CHL1: variants seen among roughly 807,000 people sequenced by gnomAD.
CHL1 encodes the protein cell adhesion molecule L1 like.
Under a neutral mutation model 141.9 loss-of-function variants are expected in CHL1, and 96 were observed. That is an observed-to-expected ratio of 0.68 (90% confidence interval 0.57 to 0.80). CHL1 has a LOEUF of 0.80. Among genes scored for constraint, CHL1 ranks in the 30% least tolerant of loss-of-function variants. The pLI is 0.00. For missense variants in CHL1, 1,820 were observed against 1,457.2 expected (o/e 1.25, Z -4.05); for synonymous variants, 613 against 502.2 (o/e 1.22, Z -2.95).
chr3:291,945 C>T (rs986154492), intron 2 of CHL1, among the ~76,000 whole-genome samples: 1 of 152,156 alleles, frequency 6.6e-6, no homozygotes, highest in Non-Finnish European at 1.5e-5. Context: ...TTGGAAATAT[C>T]CCTTCTAAGG....
intron 19 of CHL1, among the ~76,000 whole-genome samples, chr3:385,434 T>C (rs1707568494): frequency 6.6e-6 from 1 of 152,184 alleles, no homozygotes; most frequent in Non-Finnish European, 1.5e-5. Context: ...ATCTTCAGTC[T>C]TTTTGACTGC....
At chr3:236,119 G>T (rs1559313617) in intron 1 of CHL1, among the ~76,000 whole-genome samples, 1 of 152,174 alleles carries the variant, frequency 6.6e-6, no homozygotes, top group South Asian at 2.1e-4. Flanking sequence ...GGCAGCATTT[G>T]GTCTCAGGCC....
In CHL1 at chr3:356,044, G is replaced by A. The variant is rs548960913; in HGVS notation, c.1165+1273G>A. ...GGGACTGCCACAAAAACAGCCCCCC[G>A]TAAGGTATGGTTGGTTGGTATTGTT... On this transcript the variant is annotated intron_variant, in intron 11 of 27. Coordinates refer to ENST00000256509, the MANE Select transcript of CHL1 (RefSeq NM_006614.4). Among the ~76,000 whole-genome samples, 129 of 152,254 alleles carry A rather than the reference G, an allele frequency of 8.5e-4. No individual in the cohort carries two copies. The Middle Eastern group carries it at 0.01, about 12-fold the overall frequency.
At chr3:396,669 G>T (rs922124720) in intron 24 of CHL1, among the ~76,000 whole-genome samples, 3 of 152,022 alleles carry the variant, frequency 2.0e-5, no homozygotes, top group Non-Finnish European at 4.4e-5. Flanking sequence ...GTATGTGTCA[G>T]GAATTTAAAA....
chr3:382,857 C>A, intron 18 of CHL1, 186 bp downstream of exon 18: 15 of 553,420 alleles, frequency 2.7e-5, no homozygotes, highest in South Asian at 1.4e-4. Flanking sequence ...CATACGAGTT[C>A]GATAAAAGCA....
At chr3:337,653 G>T (rs187444293) in intron 5 of CHL1, among the ~76,000 whole-genome samples, 2 of 151,988 alleles carry the variant, frequency 1.3e-5, no homozygotes, top group Non-Finnish European at 2.9e-5. Flanking sequence ...TGCTGATAAT[G>T]ATGGTTTTCA....
chr3:359,211 C>T (rs1472008603), intron 11 of CHL1, among the ~76,000 whole-genome samples: 1 of 151,860 alleles, frequency 6.6e-6, no homozygotes, highest in African/African-American at 2.4e-5. Context: ...GAGTTCTGAG[C>T]AGTGTCAGTG....
chr3:378,028 C>G, intron 16 of CHL1, 86 bp downstream of exon 16: 1 of 1,197,092 alleles, frequency 8.4e-7, no homozygotes, highest in South Asian at 2.0e-5. Context: ...GCTAATGATT[C>G]TTTGAGCCCC....
At chr3:223,980 T>C (rs889820148) in intron 1 of CHL1, among the ~76,000 whole-genome samples, 1 of 152,070 alleles carries the variant, frequency 6.6e-6, no homozygotes, top group Non-Finnish European at 1.5e-5. Context: ...GTCTGAAAAA[T>C]ACCTCAAAGA....
intron 1 of CHL1, among the ~76,000 whole-genome samples, chr3:198,961 T>G (rs1305395391): frequency 6.6e-6 from 1 of 152,208 alleles, no homozygotes; most frequent in Admixed American, 6.5e-5. Flanking sequence ...TGGGGAAACT[T>G]TTGGTGACAA....
chr3:362,475 C>CA (rs1156762320), intron 13 of CHL1, among the ~76,000 whole-genome samples: 1 of 151,984 alleles, frequency 6.6e-6, no homozygotes, highest in Admixed American at 6.6e-5. Context: ...TGTGATTTTT[C>CA]AAAATACTAG....
rs910977537 is a variant in CHL1 at position 202,454 on chromosome 3, C to T, written c.-175+5391C>T. On this transcript the variant is annotated intron_variant, in intron 1 of 27. Transcript: ENST00000256509. ...TTGCTTCACATATTTAAAAGGTTTT[C>T]GCAATAGTTGTTCTTAGGCTTGGCT... Among the ~76,000 whole-genome samples the T allele has an allele frequency of 1.2e-4, 19 of 152,258 alleles. 1 individual carries two copies. In the East Asian group the frequency reaches 3.3e-3, roughly 26 times the overall value.
chr3:284,971 T>A (rs552601798), intron 2 of CHL1, among the ~76,000 whole-genome samples: 1 of 152,338 alleles, frequency 6.6e-6, no homozygotes, highest in South Asian at 2.1e-4. Context: ...TTTATTCTCA[T>A]GAATATTTCC....
intron 2 of CHL1, among the ~76,000 whole-genome samples, chr3:311,317 T>C (rs572786809): frequency 6.6e-6 from 1 of 152,238 alleles, no homozygotes; most frequent in South Asian, 2.1e-4. Flanking sequence ...TTGTGACTGC[T>C]TCAATAGTAA....
At chr3:286,944 T>G (rs571303390) in intron 2 of CHL1, among the ~76,000 whole-genome samples, 86 of 152,210 alleles carry the variant, frequency 5.7e-4, no homozygotes, top group African/African-American at 2.0e-3. Context: ...TTCATTACCA[T>G]TTTGGTTTTG....
chr3:232,955 G>C (rs1440714241), intron 1 of CHL1, among the ~76,000 whole-genome samples: 1 of 151,556 alleles, frequency 6.6e-6, no homozygotes, highest in Non-Finnish European at 1.5e-5. Context: ...TAAGTTTAGA[G>C]CTGGACTCAA....
chr3:387,660 T>A (rs941267489), intron 19 of CHL1, among the ~76,000 whole-genome samples: 1 of 152,208 alleles, frequency 6.6e-6, no homozygotes, highest in East Asian at 1.9e-4. Context: ...TGAAGAAAAC[T>A]ATCATTCCAG....
intron 1 of CHL1, among the ~76,000 whole-genome samples, chr3:219,606 A>C (rs952243437): frequency 1.3e-5 from 2 of 152,208 alleles, no homozygotes; most frequent in East Asian, 3.9e-4. Context: ...AGGAAAACCA[A>C]ATACTGCATG....
intron 2 of CHL1, among the ~76,000 whole-genome samples, chr3:293,286 G>C (rs1697869046): frequency 6.6e-6 from 1 of 152,156 alleles, no homozygotes; most frequent in African/African-American, 2.4e-5. Context: ...TGGTTCTCTT[G>C]AGGCCAGGAG....
Sources: gnomAD v4.1 joint callset for allele counts (sites outside exome capture counted in the v4.1 genomes callset) on GRCh38, gnomAD v4.1.1 for gene constraint, MANE v1.5 for transcripts, NCBI Gene and HGNC (gene_info 2026-07-23, HGNC 2026-07-21) for gene names.